Variants in GALNT13 observed in about 807,000 individuals in gnomAD.
GALNT13 encodes UDP-GalNAc:polypeptide N-acetylgalactosaminyltransferase 13.
Under a neutral mutation model 64.2 loss-of-function variants are expected in GALNT13, and 28 were observed. The ratio of observed to expected loss-of-function variants is 0.44; its 90% confidence interval spans 0.32 to 0.60. The LOEUF (loss-of-function observed/expected upper bound fraction) is 0.60. GALNT13 is among the 20% of genes least tolerant of loss of function. The pLI is 0.05. For synonymous variants in GALNT13, 214 were observed against 224.6 expected (o/e 0.95, Z 0.42); for missense variants, 577 against 669.8 (o/e 0.86, Z 1.53).
intron 3 of GALNT13, among the ~76,000 whole-genome samples, chr2:154,134,097 G>T (rs551926267): frequency 6.6e-6 from 1 of 152,224 alleles, no homozygotes; most frequent in East Asian, 1.9e-4. Context: ...TCTATTCTCG[G>T]TTAAGGACCA....
At chr2:153,643,105 G>T in the GALNT13 span, among the ~76,000 whole-genome samples, 3 of 151,100 alleles carry the variant, frequency 2.0e-5, no homozygotes, top group Admixed American at 2.0e-4. Flanking sequence ...ATATACAAAA[G>T]TTTGAAAAAT....
intron 3 of GALNT13, among the ~76,000 whole-genome samples, chr2:153,949,226 G>A (rs775755095): frequency 2.0e-5 from 3 of 152,034 alleles, no homozygotes; most frequent in African/African-American, 4.8e-5. Flanking sequence ...TGATGACATC[G>A]CCTAGTGATG....
At chr2:154,099,858 T>C (rs748743834) in intron 3 of GALNT13, among the ~76,000 whole-genome samples, 18 of 152,144 alleles carry the variant, frequency 1.2e-4, no homozygotes, top group Non-Finnish European at 2.4e-4. Context: ...GAGAATCACT[T>C]GAGCCTGGTA....
the GALNT13 span, among the ~76,000 whole-genome samples, chr2:153,073,794 G>A: frequency 6.6e-6 from 1 of 152,126 alleles, no homozygotes; most frequent in African/African-American, 2.4e-5. Context: ...ATCTGAATAA[G>A]ATCTGTGCAG....
chr2:154,163,376 G>T (rs2105673506), intron 4 of GALNT13, among the ~76,000 whole-genome samples: 1 of 151,944 alleles, frequency 6.6e-6, no homozygotes, highest in South Asian at 2.1e-4. Context: ...AAAGAGAGAA[G>T]AATCAAATAG....
the GALNT13 span, among the ~76,000 whole-genome samples, chr2:153,573,688 A>C: frequency 6.6e-6 from 1 of 152,038 alleles, no homozygotes; most frequent in Non-Finnish European, 1.5e-5. Context: ...ACTTAACACT[A>C]TTTGTATGAA....
chr2:153,487,924 C>T, the GALNT13 span, among the ~76,000 whole-genome samples: 2 of 152,114 alleles, frequency 1.3e-5, no homozygotes, highest in Non-Finnish European at 2.9e-5. Flanking sequence ...GGGCTTTAAG[C>T]AGCAGACTAA....
rs531974144 is a variant in GALNT13 at position 154,086,642 on chromosome 2, T to G, written c.143-53695T>G. ...TAGAGGATTTACCTTTGATTTCATT[T>G]TGGTGATACTTTAAATCATAGGTCA... On this transcript the variant is annotated intron_variant, in intron 3 of 12. Transcript: ENST00000392825. Among the ~76,000 whole-genome samples, 6 of 152,070 alleles carry G rather than the reference T, an allele frequency of 3.9e-5. No individual in the cohort carries two copies. In the East Asian group the frequency reaches 9.7e-4, roughly 25 times the overall value.
chr2:153,222,177 G>T, the GALNT13 span, among the ~76,000 whole-genome samples: 4 of 152,016 alleles, frequency 2.6e-5, no homozygotes, highest in Admixed American at 1.3e-4. Flanking sequence ...CTCTCAGGAG[G>T]CCTGAAGTGG....
chr2:154,105,737 T>C (rs750333384), intron 3 of GALNT13, among the ~76,000 whole-genome samples: 8 of 152,198 alleles, frequency 5.3e-5, no homozygotes, highest in Non-Finnish European at 1.0e-4. Flanking sequence ...ATATTTTGCG[T>C]TGATAGAAAT....
chr2:154,408,263 G>T (rs1223116208), intron 10 of GALNT13, among the ~76,000 whole-genome samples: 1 of 152,038 alleles, frequency 6.6e-6, no homozygotes. Context: ...GCACAAATAT[G>T]TATTAACTTT....
chr2:153,389,074 T>C, the GALNT13 span, among the ~76,000 whole-genome samples: 1 of 152,092 alleles, frequency 6.6e-6, no homozygotes, highest in African/African-American at 2.4e-5. Context: ...CAGTTCATCA[T>C]ATGCTCTAAG....
At chr2:153,161,051 C>G in the GALNT13 span, among the ~76,000 whole-genome samples, 1 of 152,152 alleles carries the variant, frequency 6.6e-6, no homozygotes, top group Non-Finnish European at 1.5e-5. Context: ...ATCTTTCAAG[C>G]TGCCATTTGA....
the GALNT13 span, among the ~76,000 whole-genome samples, chr2:153,584,358 G>A: frequency 6.6e-6 from 1 of 152,090 alleles, no homozygotes; most frequent in Non-Finnish European, 1.5e-5. Flanking sequence ...AGTCCACCAC[G>A]TGGGACACCT....
the GALNT13 span, among the ~76,000 whole-genome samples, chr2:153,217,544 T>C: frequency 1.3e-5 from 2 of 152,168 alleles, no homozygotes; most frequent in African/African-American, 4.8e-5. Flanking sequence ...GTTTATTCCA[T>C]GTCATTTCTA....
At chr2:153,977,957 G>T (rs913381727) in intron 3 of GALNT13, among the ~76,000 whole-genome samples, 5 of 151,818 alleles carry the variant, frequency 3.3e-5, no homozygotes, top group African/African-American at 1.2e-4. Flanking sequence ...AAAAAAAACA[G>T]TGCCTTCAAT....
chr2:154,134,416 C>G (rs1030129872), intron 3 of GALNT13, among the ~76,000 whole-genome samples: 1 of 152,172 alleles, frequency 6.6e-6, no homozygotes, highest in Non-Finnish European at 1.5e-5. Flanking sequence ...AATTCTAATA[C>G]AGCATGGTTA....
intron 11 of GALNT13, among the ~76,000 whole-genome samples, chr2:154,417,521 A>ATTTTTTTTTTTTTTTTT (rs1238225224): frequency 7.2e-6 from 1 of 139,052 alleles, no homozygotes; most frequent in African/African-American, 2.8e-5. Flanking sequence ...TTATTTATTT[A>ATTTTTTTTTTTTTTTTT]TTTTTTTGAG....
chr2:154,339,546 A>T (rs1449894796), intron 9 of GALNT13, among the ~76,000 whole-genome samples: 1 of 152,156 alleles, frequency 6.6e-6, no homozygotes, highest in South Asian at 2.1e-4. Context: ...TTTAAAATGT[A>T]GTTCTTATAG....
Sources: allele counts gnomAD v4.1 joint callset (sites outside exome capture counted in the v4.1 genomes callset), GRCh38; gene constraint gnomAD v4.1.1; transcripts MANE v1.5; gene names NCBI Gene and HGNC (gene_info 2026-07-23, HGNC 2026-07-21).